Variants in SMOC2 observed in about 807,000 individuals in gnomAD.
The protein encoded by SMOC2 is SPARC related modular calcium binding 2.
SMOC2 carries 39 observed loss-of-function variants against 61.4 expected under a neutral mutation model. The observed-to-expected ratio is 0.64, with a 90% CI of 0.49 to 0.83. The LOEUF (loss-of-function observed/expected upper bound fraction) is 0.83. SMOC2 is among the 40% of genes least tolerant of loss of function. The pLI is 0.00. For synonymous variants in SMOC2, 247 were observed against 239.9 expected (o/e 1.03, Z -0.27); for missense variants, 556 against 592.9 (o/e 0.94, Z 0.65).
intron 8 of SMOC2, among the ~76,000 whole-genome samples, chr6:168,601,526 G>A (rs1785555056): frequency 6.6e-6 from 1 of 152,188 alleles, no homozygotes; most frequent in African/African-American, 2.4e-5. Context: ...CTGTGCCTAG[G>A]TATAGAGGGA....
chr6:168,581,537 C>T (rs893737392), intron 7 of SMOC2, among the ~76,000 whole-genome samples: 2 of 152,188 alleles, frequency 1.3e-5, no homozygotes, highest in Non-Finnish European at 2.9e-5. Context: ...TCTTGCCGGG[C>T]GCATTTCTTG....
At chr6:168,531,478 A>T (rs1250669752) in intron 4 of SMOC2, among the ~76,000 whole-genome samples, 1 of 152,222 alleles carries the variant, frequency 6.6e-6, no homozygotes, top group African/African-American at 2.4e-5. Flanking sequence ...ATGGGACCAG[A>T]TGCTTAGGAG....
intron 12 of SMOC2, among the ~76,000 whole-genome samples, chr6:168,665,415 C>T (rs1240335750): frequency 6.6e-6 from 1 of 152,256 alleles, no homozygotes; most frequent in African/African-American, 2.4e-5. Flanking sequence ...CCATTGAAGG[C>T]CACCATGTTG....
At position 168,666,577 on chromosome 6, in the gene SMOC2, A is replaced by T. The variant is rs1787668299; in HGVS notation, c.*139A>T. On this transcript the variant is annotated 3_prime_UTR_variant, in exon 13 of 13. Coordinates refer to ENST00000356284, the MANE Select transcript of SMOC2 (RefSeq NM_001166412.2). ...TAAATTCACTTTGTAGAAATGAGCTATTTAAACAGACTGTTTTAATCTGTG... is the reference window on the plus strand; with the variant it reads ...TAAATTCACTTTGTAGAAATGAGCTTTTTAAACAGACTGTTTTAATCTGTG... The T allele has an allele frequency of 1.1e-6, 1 of 927,910 alleles. No homozygotes were observed. The highest frequency in any genetic ancestry group is 1.7e-6 in the Non-Finnish European group (1 of 589,818). The allele number at this position is 927,910 out of a possible 1,614,324, so 57.5% of individuals were successfully genotyped here.
In SMOC2 at chr6:168,452,984, C is replaced by T. The variant is rs974816049; in HGVS notation, c.84+11530C>T. Among the ~76,000 whole-genome samples, 1 of 152,134 alleles carries T rather than the reference C, an allele frequency of 6.6e-6. No individual in the cohort carries two copies. The highest frequency in any genetic ancestry group is 6.5e-5 in the Admixed American group (1 of 15,270). On this transcript the variant is annotated intron_variant, in intron 1 of 12. Coordinates refer to ENST00000356284, the MANE Select transcript of SMOC2 (RefSeq NM_001166412.2). This position sits in a 1 kb window ranked among gnomAD's most constrained non-coding sequence, Gnocchi z 5.0. Reference sequence around the variant, plus strand: ...GGCTCTGACAGCAGGGGCAGGACGCCCTCCTCCCAGTGGCTCTGACAGCAG... The same window carrying T: ...GGCTCTGACAGCAGGGGCAGGACGCTCTCCTCCCAGTGGCTCTGACAGCAG...
At chr6:168,635,540 T>C (rs2115252587) in intron 9 of SMOC2, among the ~76,000 whole-genome samples, 1 of 152,310 alleles carries the variant, frequency 6.6e-6, no homozygotes, top group South Asian at 2.1e-4. Flanking sequence ...TTCATCTGTC[T>C]AAAGGTCGCT....
chr6:168,620,309 C>G (rs1786211896), intron 9 of SMOC2, among the ~76,000 whole-genome samples: 1 of 152,100 alleles, frequency 6.6e-6, no homozygotes, highest in South Asian at 2.1e-4. Flanking sequence ...ATTACAAATC[C>G]CTTTGTTTTC....
At chr6:168,444,319 C>T (rs528289171) in intron 1 of SMOC2, among the ~76,000 whole-genome samples, 3 of 152,212 alleles carry the variant, frequency 2.0e-5, no homozygotes, top group Non-Finnish European at 4.4e-5. Flanking sequence ...TACCTGGCTT[C>T]TCAGGACCAC....
chr6:168,518,187 G>A (rs1403426841), intron 2 of SMOC2, among the ~76,000 whole-genome samples: 1 of 152,218 alleles, frequency 6.6e-6, no homozygotes, highest in East Asian at 1.9e-4. Flanking sequence ...AGCGCCCGGG[G>A]CCGGAGTGTC....
intron 2 of SMOC2, among the ~76,000 whole-genome samples, chr6:168,510,811 T>A (rs941367844): frequency 9.9e-5 from 15 of 152,206 alleles, no homozygotes; most frequent in African/African-American, 3.6e-4. Context: ...TGCTCTTCCT[T>A]TCATAATGCA....
chr6:168,614,459 GA>G (rs1435124896), intron 9 of SMOC2, among the ~76,000 whole-genome samples: 3 of 61,594 alleles, frequency 4.9e-5, no homozygotes, highest in African/African-American at 1.4e-4. Flanking sequence ...CCAGCACATG[GA>G]GCCTCTTCAC....
chr6:168,510,426 A>G (rs748205289), intron 2 of SMOC2, among the ~76,000 whole-genome samples: 2 of 152,216 alleles, frequency 1.3e-5, no homozygotes, highest in Non-Finnish European at 2.9e-5. Context: ...TGTGTACAAT[A>G]GCACGTGTGC....
At chr6:168,450,695 G>A (rs536342469) in intron 1 of SMOC2, among the ~76,000 whole-genome samples, 3 of 152,080 alleles carry the variant, frequency 2.0e-5, no homozygotes, top group African/African-American at 7.2e-5. Context: ...TTTCTCCACC[G>A]GGTTCTGTTT....
intron 9 of SMOC2, among the ~76,000 whole-genome samples, chr6:168,634,420 A>T (rs74818402): frequency 1.3e-5 from 2 of 152,178 alleles, no homozygotes; most frequent in African/African-American, 4.8e-5. Flanking sequence ...TAACCTTCTT[A>T]TGGGGATATT....
At chr6:168,645,699 C>T (rs1787008506) in intron 9 of SMOC2, among the ~76,000 whole-genome samples, 2 of 152,218 alleles carry the variant, frequency 1.3e-5, no homozygotes, top group Middle Eastern at 3.2e-3. Flanking sequence ...TCAGCAGACA[C>T]GGCACATGTT....
intron 9 of SMOC2, among the ~76,000 whole-genome samples, chr6:168,628,377 A>G (rs796612119): frequency 3.9e-5 from 6 of 152,270 alleles, no homozygotes; most frequent in African/African-American, 1.4e-4. Flanking sequence ...ATATAAGTAA[A>G]CACTGAGCTT....
At chr6:168,495,398 G>A (rs960076946) in intron 1 of SMOC2, among the ~76,000 whole-genome samples, 4 of 152,322 alleles carry the variant, frequency 2.6e-5, no homozygotes, top group East Asian at 3.9e-4. Flanking sequence ...GGTGCCCACC[G>A]CTGGGGTCGC....
At chr6:168,559,475 A>T (rs5881797) in intron 7 of SMOC2, among the ~76,000 whole-genome samples, 1 of 150,128 alleles carries the variant, frequency 6.7e-6, no homozygotes, top group East Asian at 2.0e-4. Flanking sequence ...AAATAAAAAT[A>T]AAAATAAAAT....
intron 2 of SMOC2, among the ~76,000 whole-genome samples, chr6:168,518,603 A>T (rs1299240417): frequency 7.2e-6 from 1 of 138,546 alleles, no homozygotes; most frequent in African/African-American, 2.7e-5. Context: ...ATGTGTGTTC[A>T]TGTGTGTGCA....
Sources: gnomAD v4.1 joint callset for allele counts (sites outside exome capture counted in the v4.1 genomes callset) on GRCh38, gnomAD v4.1.1 for gene constraint, Gnocchi (gnomAD v3.1) non-coding constraint, MANE v1.5 for transcripts, NCBI Gene and HGNC (gene_info 2026-07-23, HGNC 2026-07-21) for gene names.